The following MRPS28 variants were observed in gnomAD, a reference collection of about 807,000 sequenced individuals.
The protein encoded by MRPS28 is mitochondrial ribosomal protein S28.
A neutral mutation model predicts 10.8 loss-of-function variants in MRPS28; 7 were observed. The ratio of observed to expected loss-of-function variants is 0.65; its 90% CI spans 0.37 to 1.22. The LOEUF (loss-of-function observed/expected upper bound fraction) is 1.22. Ranked by LOEUF, MRPS28 falls within the 50% of genes most tolerant of loss-of-function variation. The pLI, the probability that MRPS28 is intolerant of heterozygous loss-of-function variation, is 0.02. For missense variants in MRPS28, 265 were observed against 232.9 expected, an observed-to-expected ratio of 1.14 and a Z score of -0.90; for synonymous variants, 121 against 93.3, an observed-to-expected ratio of 1.30 and a Z score of -1.71.
intron 1 of MRPS28, among the ~76,000 whole-genome samples, chr8:80,016,294 T>G (rs1809193077): frequency 6.6e-6 from 1 of 151,926 alleles, no homozygotes; most frequent in African/African-American, 2.4e-5. Flanking sequence ...TAAAAGAAGC[T>G]TGGGGGGAAA....
Position 79,919,158 on chromosome 8 carries a change from TAAA to T in MRPS28, c.396-13_396-11del. 1.1e-5 allele frequency: 14 copies of T among 1,237,182 alleles called. No individual in the cohort carries two copies. Among genetic ancestry groups the T allele is most frequent in the East Asian group, 5.5e-5 (2 of 36,204 alleles). The allele number at this position is 1,237,182 out of a possible 1,614,324, so 76.6% of individuals were successfully genotyped here. A position where few individuals can be genotyped will look rare whatever the true frequency, so the allele number is the denominator to read the frequency against. ...TCCTTTCTGGTATTTCCTAAATAGT[TAAA>T]AAAAAAAAAATCCATTAATTCTGAA... On this transcript the variant is annotated splice_polypyrimidine_tract_variant and intron_variant, in intron 2 of 2. Transcript: ENST00000276585.
At chr8:79,949,977 TGTTA>T (rs1187962589) in intron 2 of MRPS28, among the ~76,000 whole-genome samples, 24 of 152,306 alleles carry the variant, frequency 1.6e-4, no homozygotes, top group African/African-American at 4.1e-4. Flanking sequence ...TGTATTGCAT[TGTTA>T]GTTAGAAAAA....
intron 1 of MRPS28, among the ~76,000 whole-genome samples, chr8:80,005,405 G>A (rs541364490): frequency 6.6e-6 from 1 of 152,058 alleles, no homozygotes; most frequent in Non-Finnish European, 1.5e-5. Context: ...AAGTGAAGGA[G>A]AAATAAAATC....
At chr8:80,004,598 T>C (rs1329366315) in intron 1 of MRPS28, among the ~76,000 whole-genome samples, 1 of 152,188 alleles carries the variant, frequency 6.6e-6, no homozygotes. Context: ...TCCAAAGGAA[T>C]GCAGCTCCTT....
intron 2 of MRPS28, among the ~76,000 whole-genome samples, chr8:79,981,622 A>G (rs774149889): frequency 2.0e-4 from 31 of 152,242 alleles, no homozygotes; most frequent in Non-Finnish European, 3.8e-4. Context: ...TAACTCTAGT[A>G]AAAATGCTGA....
At chr8:80,018,047 T>C (rs1809243994) in intron 1 of MRPS28, among the ~76,000 whole-genome samples, 1 of 152,116 alleles carries the variant, frequency 6.6e-6, no homozygotes, top group African/African-American at 2.4e-5. Flanking sequence ...CCCTGCACTT[T>C]GGGAGGCCGA....
intron 1 of MRPS28, among the ~76,000 whole-genome samples, chr8:80,007,223 C>A (rs369211030): frequency 4.6e-5 from 7 of 152,224 alleles, no homozygotes; most frequent in Admixed American, 1.3e-4. Context: ...ATTCAACAAC[C>A]CTTCATGCTA....
At chr8:80,009,241 A>AT (rs1201923591) in intron 1 of MRPS28, among the ~76,000 whole-genome samples, 1 of 152,168 alleles carries the variant, frequency 6.6e-6, no homozygotes, top group East Asian at 1.9e-4. Flanking sequence ...ACACCTGGAC[A>AT]CAGGAAAGGG....
chr8:79,960,322 A>G (rs1230239407), intron 2 of MRPS28, among the ~76,000 whole-genome samples: 1 of 152,132 alleles, frequency 6.6e-6, no homozygotes, highest in Non-Finnish European at 1.5e-5. Context: ...TGGTTTCTAC[A>G]GTTGTCCCAG....
intron 2 of MRPS28, among the ~76,000 whole-genome samples, chr8:79,965,544 C>A (rs1807482381): frequency 6.6e-6 from 1 of 151,972 alleles, no homozygotes; most frequent in Non-Finnish European, 1.5e-5. Flanking sequence ...GTCCTTTTAT[C>A]CTTTTTGAAT....
chr8:80,016,785 A>C (rs1458057227), intron 1 of MRPS28, among the ~76,000 whole-genome samples: 1 of 152,234 alleles, frequency 6.6e-6, no homozygotes, highest in Non-Finnish European at 1.5e-5. Flanking sequence ...TACATGCCTA[A>C]AAATAGTCAA....
In MRPS28 at chr8:80,026,682, ATG is replaced by A. The variant is rs1418501127; in HGVS notation, c.213+3352_213+3353del. Among the ~76,000 whole-genome samples the A allele has an allele frequency of 3.3e-5, 5 of 152,312 alleles. No individual in the cohort carries two copies. The East Asian group carries it at 9.6e-4, about 29-fold the overall frequency. On this transcript the variant is annotated intron_variant, in intron 1 of 2. Coordinates refer to ENST00000276585, the MANE Select transcript of MRPS28 (RefSeq NM_014018.3). Reference sequence around the variant, plus strand: ...AGTAAAAATTTTATTCTGATGTGTCATGTGTTACTCTGGCACCACAAGTTAAC... The same window carrying A: ...AGTAAAAATTTTATTCTGATGTGTCATGTTACTCTGGCACCACAAGTTAAC...
intron 2 of MRPS28, among the ~76,000 whole-genome samples, chr8:79,953,239 C>T (rs1291241277): frequency 3.9e-5 from 6 of 152,104 alleles, no homozygotes; most frequent in African/African-American, 9.7e-5. Context: ...GACACAAGGG[C>T]GTGTACAGTT....
At chr8:79,926,997 G>A (rs1227216038) in intron 2 of MRPS28, among the ~76,000 whole-genome samples, 5 of 152,164 alleles carry the variant, frequency 3.3e-5, no homozygotes, top group Admixed American at 6.5e-5. Context: ...TCTCCAAATG[G>A]TTTGTGGTAG....
At chr8:80,000,573 T>G (rs2130153328) in intron 2 of MRPS28, among the ~76,000 whole-genome samples, 1 of 152,344 alleles carries the variant, frequency 6.6e-6, no homozygotes, top group South Asian at 2.1e-4. Context: ...TGTGTGCATA[T>G]GTGGTATATA....
Position 79,998,373 on chromosome 8 carries a change from TG to T in MRPS28, c.395+4625del, listed in dbSNP as rs1489112609. ...AGAAAAATATAATAATTATAACTTT[TG>T]AGGCTGGTACTATAAGGTCCCATGC... On this transcript the variant is annotated intron_variant, in intron 2 of 2. Transcript: ENST00000276585. Among the ~76,000 whole-genome samples, 6 of 152,338 alleles carry T rather than the reference TG, an allele frequency of 3.9e-5. No homozygotes were observed. In the East Asian group the frequency reaches 7.7e-4, roughly 20 times the overall value.
chr8:79,979,415 T>C (rs1444646967), intron 2 of MRPS28, among the ~76,000 whole-genome samples: 1 of 152,196 alleles, frequency 6.6e-6, no homozygotes, highest in East Asian at 1.9e-4. Flanking sequence ...AAGCTAGATA[T>C]GTTGTATAGG....
chr8:79,934,063 C>A (rs1313418814), intron 2 of MRPS28, among the ~76,000 whole-genome samples: 1 of 152,098 alleles, frequency 6.6e-6, no homozygotes, highest in Non-Finnish European at 1.5e-5. Flanking sequence ...TGGTGACTAT[C>A]TGATGAATCC....
intron 1 of MRPS28, among the ~76,000 whole-genome samples, chr8:80,028,361 C>T (rs1235777625): frequency 6.6e-6 from 1 of 151,936 alleles, no homozygotes; most frequent in Admixed American, 6.6e-5. Flanking sequence ...ACTCTTATGG[C>T]CTTACCTTAA....
Sources: allele counts gnomAD v4.1 joint callset (sites outside exome capture counted in the v4.1 genomes callset), GRCh38; gene constraint gnomAD v4.1.1; transcripts MANE v1.5; gene names NCBI Gene and HGNC (gene_info 2026-07-23, HGNC 2026-07-21).